The following RAB36 variants were observed in gnomAD, a reference collection of about 807,000 sequenced individuals.
RAB36 encodes ras-related protein Rab-36.
RAB36 carries 33 observed loss-of-function variants against 39.3 expected under a neutral mutation model. That is an observed-to-expected ratio of 0.84 (90% CI 0.64 to 1.12). The LOEUF is 1.12. RAB36 is among the 50% of genes most tolerant of loss of function. The pLI is 0.00. For missense variants in RAB36, 308 were observed against 355.3 expected, an observed-to-expected ratio of 0.87 and a Z score of 1.07; for synonymous variants, 133 against 140.2, an observed-to-expected ratio of 0.95 and a Z score of 0.36.
intron 3 of RAB36, among the ~76,000 whole-genome samples, chr22:23,150,810 A>AC (rs951498735): frequency 3.5e-4 from 52 of 150,584 alleles, no homozygotes; most frequent in African/African-American, 1.1e-3. Context: ...GCCTTCTCTG[A>AC]CCCCCCACTA....
At chr22:23,148,805 C>G (rs562706097) in intron 2 of RAB36, among the ~76,000 whole-genome samples, 9 of 152,322 alleles carry the variant, frequency 5.9e-5, no homozygotes, top group Admixed American at 2.6e-4. Context: ...TGTGTCTGAG[C>G]CAGTCCCTAG....
intron 2 of RAB36, among the ~76,000 whole-genome samples, chr22:23,148,323 A>T (rs1027931267): frequency 6.6e-6 from 1 of 152,160 alleles, no homozygotes; most frequent in Non-Finnish European, 1.5e-5. Flanking sequence ...GATGACAGAG[A>T]CTGGTCTTTC....
intron 6 of RAB36, among the ~76,000 whole-genome samples, chr22:23,157,254 GT>G (rs57940333): frequency 0.5 from 73,381 of 145,870 alleles, 18,049 homozygotes; most frequent in East Asian, 0.63. Context: ...GGACTAACAG[GT>G]TTTTTTTTTT....
At chr22:23,147,798 A>G (rs1482414748) in intron 2 of RAB36, among the ~76,000 whole-genome samples, 2 of 152,240 alleles carry the variant, frequency 1.3e-5, no homozygotes, top group Non-Finnish European at 2.9e-5. Context: ...TGGCACAGAC[A>G]TGAGGAAGAA....
At chr22:23,156,085 C>G (rs1288911859) in intron 6 of RAB36, 53 bp downstream of exon 6, 1 of 1,507,710 alleles carries the variant, frequency 6.6e-7, no homozygotes, top group Non-Finnish European at 9.0e-7. Flanking sequence ...GGGGTCCCTG[C>G]CGGGCTCCAC....
At chr22:23,146,754 T>C in intron 2 of RAB36, 69 bp downstream of exon 2, 2 of 1,574,990 alleles carry the variant, frequency 1.3e-6, no homozygotes, top group Admixed American at 1.8e-5. Flanking sequence ...CACTCTACAC[T>C]CATGCCTAGA....
Position 23,161,818 on chromosome 22 carries a change from G to A in RAB36, c.*254G>A, listed in dbSNP as rs1865946030. Reference sequence around the variant, plus strand: ...ACCACCGGGCCAGTGCAGGCACTGTGGTGATCCCATAAAAGGCCAGTCCAT... The same window carrying A: ...ACCACCGGGCCAGTGCAGGCACTGTAGTGATCCCATAAAAGGCCAGTCCAT... On this transcript the variant is annotated 3_prime_UTR_variant, in exon 11 of 11. Transcript: ENST00000263116. The A allele has an allele frequency of 2.0e-6, 1 of 507,226 alleles. No individual in the cohort carries two copies. Among genetic ancestry groups the A allele is most frequent in the Admixed American group, 3.4e-5 (1 of 29,412 alleles). 31.4% of individuals were successfully genotyped at this position (507,226 alleles called of 1,614,324 possible).
At chr22:23,152,589 T>C in intron 4 of RAB36, 63 bp downstream of exon 4, 1 of 1,501,068 alleles carries the variant, frequency 6.7e-7, no homozygotes, top group South Asian at 1.1e-5. Flanking sequence ...TACCTTTGCC[T>C]GGGTGGCCCA....
In RAB36 at chr22:23,148,158, C is replaced by G. The variant is rs144708276; in HGVS notation, c.69+1473C>G. Among the ~76,000 whole-genome samples the G allele has an allele frequency of 6.7e-3, 1,023 of 152,162 alleles. 6 individuals are homozygous for G. The highest frequency in any genetic ancestry group is 9.0e-3 in the Non-Finnish European group (613 of 68,014). On this transcript the variant is annotated intron_variant, in intron 2 of 10. Coordinates refer to ENST00000263116, the MANE Select transcript of RAB36 (RefSeq NM_004914.5). ...TTGGAGTATGTGGCTCTTCCTCCTT[C>G]CCCCTTCTTTACCTTCCTCCCTAAG...
chr22:23,153,969 G>A (rs778763942), intron 5 of RAB36, among the ~76,000 whole-genome samples: 24 of 152,096 alleles, frequency 1.6e-4, no homozygotes, highest in Non-Finnish European at 3.1e-4. Context: ...GATTACAGGT[G>A]TGAGCCACCG....
At chr22:23,156,811 C>T (rs535975459) in intron 6 of RAB36, among the ~76,000 whole-genome samples, 1 of 152,328 alleles carries the variant, frequency 6.6e-6, no homozygotes, top group East Asian at 1.9e-4. Context: ...TTCGCCTCTT[C>T]GGGCCTCTCC....
Position 23,153,830 on chromosome 22 carries a change from G to A in RAB36, c.329+696G>A, listed in dbSNP as rs75691317. Among the ~76,000 whole-genome samples, 1,497 of 151,054 alleles carry A rather than the reference G, an allele frequency of 9.9e-3. 29 individuals carry two copies. Among genetic ancestry groups the A allele is most frequent in the African/African-American group, 0.034 (1,411 of 41,066 alleles). ...CAGCCTCCCAAGTAGGACAACAGCTGTGTGCCCCCACACCCAGCTAATTTA... is the reference window on the plus strand; with the variant it reads ...CAGCCTCCCAAGTAGGACAACAGCTATGTGCCCCCACACCCAGCTAATTTA... On this transcript the variant is annotated intron_variant, in intron 5 of 10. Coordinates refer to ENST00000263116, the MANE Select transcript of RAB36 (RefSeq NM_004914.5).
At chr22:23,158,687 C>A (rs1432500917) in intron 7 of RAB36, among the ~76,000 whole-genome samples, 2 of 152,208 alleles carry the variant, frequency 1.3e-5, no homozygotes, top group African/African-American at 4.8e-5. Flanking sequence ...CCACCTCCAG[C>A]CAGTGCTCTG....
rs994019682 is a variant in RAB36 at position 23,164,941 on chromosome 22, G to C, written c.*3377G>C. ...CCCCTGTGCTCCAGTTTCATCCCTGGTCACAATGCAGTCTGCAGATGCCAG... is the reference window on the plus strand; with the variant it reads ...CCCCTGTGCTCCAGTTTCATCCCTGCTCACAATGCAGTCTGCAGATGCCAG... On this transcript the variant is annotated 3_prime_UTR_variant, in exon 11 of 11. Transcript: ENST00000263116. Among the ~76,000 whole-genome samples, 1 of 151,064 alleles carries C rather than the reference G, an allele frequency of 6.6e-6. No individual in the cohort carries two copies. Among genetic ancestry groups the C allele is most frequent in the Admixed American group, 6.6e-5 (1 of 15,140 alleles).
chr22:23,160,563 T>G (rs554040390), intron 9 of RAB36, among the ~76,000 whole-genome samples: 2 of 152,336 alleles, frequency 1.3e-5, no homozygotes, highest in South Asian at 4.1e-4. Context: ...TGGGCCATAG[T>G]AGCATCTGAT....
At chr22:23,145,948 G>C (rs999003865) in intron 1 of RAB36, 8 of 984,366 alleles carry the variant, frequency 8.1e-6, no homozygotes, top group East Asian at 1.1e-4. Flanking sequence ...TAGAGCCTTC[G>C]TCCTTTGCAG....
intron 6 of RAB36, among the ~76,000 whole-genome samples, chr22:23,157,451 G>T (rs2071521186): frequency 6.6e-6 from 1 of 152,032 alleles, no homozygotes. Context: ...AGTAGAGACG[G>T]GGTTTCACTG....
chr22:23,158,764 G>T (rs1037555104), intron 7 of RAB36, 134 bp from the exon 8 acceptor site: 6 of 756,084 alleles, frequency 7.9e-6, no homozygotes, highest in Non-Finnish European at 1.1e-5. Flanking sequence ...TGCTCAGCCA[G>T]TGTGGGCCAG....
chr22:23,150,979 T>C (rs562976314), intron 3 of RAB36, among the ~76,000 whole-genome samples: 3 of 152,360 alleles, frequency 2.0e-5, no homozygotes, highest in African/African-American at 7.2e-5. Context: ...CTGCCACCAC[T>C]GGCAGAGGGA....
Sources: gnomAD v4.1 joint callset for allele counts (sites outside exome capture counted in the v4.1 genomes callset) on GRCh38, gnomAD v4.1.1 for gene constraint, MANE v1.5 for transcripts, NCBI Gene and HGNC (gene_info 2026-07-23, HGNC 2026-07-21) for gene names.